Variants in GPC3 observed in about 807,000 individuals in gnomAD.
The protein encoded by GPC3 is glypican 3.
GPC3 carries 3 observed loss-of-function variants against 34.4 expected under a neutral mutation model. The ratio of observed to expected loss-of-function variants is 0.09; its 90% CI spans 0.04 to 0.23. The LOEUF (loss-of-function observed/expected upper bound fraction) is 0.23. Ranked by LOEUF, GPC3 falls within the 10% of genes least tolerant of loss-of-function variation. The pLI is 1.00. For synonymous variants in GPC3, 177 were observed against 174.0 expected (o/e 1.02, Z -0.13); for missense variants, 351 against 445.6 (o/e 0.79, Z 1.91).
intron 2 of GPC3, among the ~76,000 whole-genome samples, chrX:133,777,752 A>T (rs1221766786): frequency 9.0e-6 from 1 of 111,428 alleles, no homozygotes; most frequent in Non-Finnish European, 1.9e-5. Context: ...TAGAACTGTC[A>T]ATTCAGAGTT....
chrX:133,870,074 A>G (rs1310131956), intron 2 of GPC3, among the ~76,000 whole-genome samples: 1 of 112,589 alleles, frequency 8.9e-6, no homozygotes, highest in East Asian at 2.8e-4. Context: ...TTTAGTGATG[A>G]TGTACCAACC....
chrX:133,539,700 G>A (rs1005817839), intron 7 of GPC3, among the ~76,000 whole-genome samples: 2 of 112,099 alleles, frequency 1.8e-5, no homozygotes, highest in African/African-American at 6.5e-5. Flanking sequence ...GGTTTCCTGA[G>A]GCTCTTCATT....
intron 6 of GPC3, among the ~76,000 whole-genome samples, chrX:133,616,842 T>C (rs183706237): frequency 0.063 from 6,747 of 107,880 alleles, 568 homozygotes; most frequent in African/African-American, 0.22. Context: ...GGACTACAGG[T>C]GCCCGCCACC....
Position 133,540,885 on chromosome X carries a change from T to G in GPC3, c.1574-4592A>C, listed in dbSNP as rs1190541676. 6.8e-5 allele frequency among the ~76,000 whole-genome samples: 7 copies of G among 103,051 alleles called. No homozygotes were observed. The Admixed American group carries it at 7.5e-4, about 11-fold the overall frequency. The allele number at this position is 103,051 out of a possible 115,157, so 89.5% of individuals were successfully genotyped here. The stretch of plus-strand genomic sequence containing the variant: ...CAGAAGCAGCAAGTAGCCTCCATGG[T>G]AGGAGGAGCCACAGAATGGACATTG... On this transcript the variant is annotated intron_variant, in intron 7 of 7. Transcript: ENST00000370818.
intron 6 of GPC3, among the ~76,000 whole-genome samples, chrX:133,613,515 T>C (rs1428190770): frequency 1.8e-5 from 2 of 111,961 alleles, no homozygotes; most frequent in African/African-American, 6.5e-5. Flanking sequence ...AGAACAGTAA[T>C]AAAAATAATC....
At chrX:133,571,997 A>AT (rs1410926734) in intron 7 of GPC3, among the ~76,000 whole-genome samples, 1 of 112,083 alleles carries the variant, frequency 8.9e-6, no homozygotes, top group Non-Finnish European at 1.9e-5. Flanking sequence ...ATAGCTTCAT[A>AT]TTAATCCTGT....
intron 3 of GPC3, among the ~76,000 whole-genome samples, chrX:133,752,070 G>A (rs919967489): frequency 4.6e-5 from 5 of 109,771 alleles, no homozygotes; most frequent in Admixed American, 9.8e-5. Context: ...GGGTCTGTAC[G>A]TTGCCCAGAC....
intron 3 of GPC3, among the ~76,000 whole-genome samples, chrX:133,724,507 T>C (rs1225314532): frequency 1.8e-5 from 2 of 111,689 alleles, no homozygotes; most frequent in East Asian, 5.6e-4. Context: ...TTGAAATGTA[T>C]CTTAGGAGCC....
At chrX:133,822,904 G>A (rs58901529) in intron 2 of GPC3, among the ~76,000 whole-genome samples, 1,429 of 109,152 alleles carry the variant, frequency 0.013, 27 homozygotes, top group African/African-American at 0.044. Context: ...TGAGGCAGGC[G>A]GATCACCTGA....
At chrX:133,833,659 A>T (rs2075787174) in intron 2 of GPC3, among the ~76,000 whole-genome samples, 1 of 111,967 alleles carries the variant, frequency 8.9e-6, no homozygotes. Context: ...AACGCATATA[A>T]CAAAGGATGA....
At chrX:133,850,755 C>T (rs140427885) in intron 2 of GPC3, among the ~76,000 whole-genome samples, 80 of 111,152 alleles carry the variant, frequency 7.2e-4, no homozygotes, top group African/African-American at 2.6e-3. Flanking sequence ...AACTTCTTTC[C>T]TTAGGCAGAA....
chrX:133,690,105 G>A (rs2071047841), intron 5 of GPC3, among the ~76,000 whole-genome samples: 4 of 111,408 alleles, frequency 3.6e-5, no homozygotes, highest in African/African-American at 9.8e-5. Context: ...AATCCTTCCA[G>A]GCTGATTTAC....
intron 5 of GPC3, among the ~76,000 whole-genome samples, chrX:133,665,531 C>T (rs1341821624): frequency 1.8e-5 from 2 of 112,282 alleles, no homozygotes; most frequent in Non-Finnish European, 3.8e-5. Flanking sequence ...AATTAAAAGT[C>T]ATCCTCTGAG....
chrX:133,659,217 G>A (rs762745183), intron 6 of GPC3, among the ~76,000 whole-genome samples: 12 of 112,350 alleles, frequency 1.1e-4, no homozygotes, highest in Non-Finnish European at 1.7e-4. Context: ...AAAGTTATGC[G>A]CCTAGCAAAA....
intron 7 of GPC3, among the ~76,000 whole-genome samples, chrX:133,595,540 T>A (rs1457908988): frequency 9.0e-6 from 1 of 111,353 alleles, no homozygotes; most frequent in Non-Finnish European, 1.9e-5. Context: ...TATTATTATT[T>A]TTTTTACTGA....
intron 2 of GPC3, among the ~76,000 whole-genome samples, chrX:133,775,390 T>C (rs2071968666): frequency 8.9e-6 from 1 of 112,002 alleles, no homozygotes; most frequent in African/African-American, 3.2e-5. Context: ...GATTTCATTT[T>C]CCTTATTTTC....
At chrX:133,763,713 T>A in intron 2 of GPC3, 1 of 501,801 alleles carries the variant, frequency 2.0e-6, no homozygotes, top group South Asian at 2.6e-5. Context: ...TTAAGCAACA[T>A]GGAAATAAGG....
intron 6 of GPC3, among the ~76,000 whole-genome samples, chrX:133,641,795 G>A (rs986235891): frequency 8.9e-6 from 1 of 111,979 alleles, no homozygotes; most frequent in Non-Finnish European, 1.9e-5. Context: ...AGAAACAGCT[G>A]GCCTGCTTTG....
intron 5 of GPC3, among the ~76,000 whole-genome samples, chrX:133,686,295 C>T (rs2071002088): frequency 9.0e-6 from 1 of 111,205 alleles, no homozygotes; most frequent in African/African-American, 3.3e-5. Flanking sequence ...GTTTGGCTGA[C>T]CTGTCTTCAA....
Sources: allele counts gnomAD v4.1 joint callset (sites outside exome capture counted in the v4.1 genomes callset), GRCh38; gene constraint gnomAD v4.1.1; transcripts MANE v1.5; gene names NCBI Gene and HGNC (gene_info 2026-07-23, HGNC 2026-07-21).